NBPF15: variants seen among roughly 807,000 people sequenced by gnomAD.
The protein encoded by NBPF15 is NBPF family member NBPF15.
In NBPF15, 74 loss-of-function variants were observed where a neutral mutation model predicts 62.2. The ratio of observed to expected loss-of-function variants is 1.19; its 90% CI spans 0.99 to 1.44. The LOEUF (loss-of-function observed/expected upper bound fraction) is 1.44. Among genes scored for constraint, NBPF15 ranks in the 40% most tolerant of loss-of-function variants. NBPF15 has a pLI of 0.00. For missense variants in NBPF15, 790 were observed against 550.0 expected, an observed-to-expected ratio of 1.44 and a Z score of -4.36; for synonymous variants, 244 against 209.7, an observed-to-expected ratio of 1.16 and a Z score of -1.41.
In NBPF15 at chr1:144,422,880, A is replaced by G. The variant is rs1666667606; in HGVS notation, c.*133T>C. On this transcript the variant is annotated 3_prime_UTR_variant, in exon 22 of 22. Coordinates refer to ENST00000581897, the MANE Select transcript of NBPF15 (RefSeq NM_001385408.1). ...AGGTTGCCAATGGCATGGTTTGAGA[A>G]TAGGAATAGAGCCATGCTCACTGAC... The G allele has an allele frequency of 1.3e-6, 2 of 1,590,102 alleles. No homozygotes were observed. The highest frequency in any genetic ancestry group is 1.7e-6 in the Non-Finnish European group (2 of 1,169,838).
chr1:144,422,926 C>G lies in NBPF15; in HGVS notation c.*87G>C. On this transcript the variant is annotated 3_prime_UTR_variant, in exon 22 of 22. Transcript: ENST00000581897. ...CTGACCCATCCTATGTCTGGGCTTCCAAATGGAACTGTACTTTCATTCAAA... is the reference window on the plus strand; with the variant it reads ...CTGACCCATCCTATGTCTGGGCTTCGAAATGGAACTGTACTTTCATTCAAA... 1 of 1,611,048 alleles carries G rather than the reference C, an allele frequency of 6.2e-7. No homozygotes were observed. The highest frequency in any genetic ancestry group is 8.5e-7 in the Non-Finnish European group (1 of 1,179,390).
chr1:144,432,253 A>T (rs1674909791), intron 13 of NBPF15, among the ~76,000 whole-genome samples: 1 of 151,838 alleles, frequency 6.6e-6, no homozygotes, highest in Non-Finnish European at 1.5e-5. Flanking sequence ...CAGAGAAGCA[A>T]ATGCTGAGAG....
chr1:144,444,578 G>A (rs1685899317), intron 6 of NBPF15, among the ~76,000 whole-genome samples: 1 of 151,746 alleles, frequency 6.6e-6, no homozygotes, highest in Non-Finnish European at 1.5e-5. Flanking sequence ...GGTTCCAGAG[G>A]AAGGTCTTCA....
Position 144,425,563 on chromosome 1 carries a change from T to G in NBPF15, c.1444A>C (p.Lys482Gln), listed in dbSNP as rs2101630424. The change falls in exon 19 of 22, where the codon AAA becomes CAA. Residue 482 changes from lysine to glutamine, a missense_variant. Lys to Gln is a moderately conservative substitution (Grantham distance 53). Transcript: ENST00000581897. ...TCTTCTTCCTCTTCTTGGTCCTTTT[T>G]AATTCCTGCAATACATTCAGACAGG... ...LGLALDVDRI[K>Q]KDQEEEEDQG... 3.5e-6 allele frequency: 2 copies of G among 574,422 alleles called. No homozygotes were observed. The highest frequency in any genetic ancestry group is 6.3e-5 in the East Asian group (2 of 31,992). 35.6% of individuals were successfully genotyped at this position (574,422 alleles called of 1,614,324 possible).
rs1553539410 is a variant in NBPF15, at chr1:144,427,068, T to C, written c.1244A>G (p.Asp415Gly). The change falls in exon 17 of 22, where the codon GAC becomes GGC. Residue 415 changes from aspartate (D) to glycine (G), a missense_variant. Asp to Gly is a moderately conservative substitution (Grantham distance 94). Transcript: ENST00000581897. ...TTACCTGGGGCATGATGGGTCTTGG[T>C]CTTCTTCCACTTCTTGGTACTTTTC... ...EIEKYQEVEE[D>G]QDPSCPRLSR... 1.4e-6 allele frequency: 1 copy of C among 696,054 alleles called. No individual in the cohort carries two copies. The highest frequency in any genetic ancestry group is 2.5e-5 in the East Asian group (1 of 39,968). 43.1% of individuals were successfully genotyped at this position (696,054 alleles called of 1,614,324 possible). A position where few individuals can be genotyped will look rare whatever the true frequency, so the allele number is the denominator to read the frequency against.
chr1:144,459,678 A>T (rs1348126846), intron 2 of NBPF15, among the ~76,000 whole-genome samples, 195 bp from the exon 3 acceptor site: 9 of 151,910 alleles, frequency 5.9e-5, no homozygotes, highest in African/African-American at 2.2e-4. Flanking sequence ...GGATAAAAAG[A>T]TTTAACAGGC....
At chr1:144,426,980 T>A in intron 17 of NBPF15, 67 bp downstream of exon 17, 1 of 734,644 alleles carries the variant, frequency 1.4e-6, no homozygotes. Flanking sequence ...CACACTCTTG[T>A]TTTCCCTGGA....
intron 6 of NBPF15, among the ~76,000 whole-genome samples, chr1:144,445,354 TACACAC>T (rs57409765): frequency 0.013 from 1,349 of 104,398 alleles, 26 homozygotes; most frequent in East Asian, 0.039. Context: ...TATATATATA[TACACAC>T]ACACACACAC....
At chr1:144,424,271 C>G (rs1372854723) in intron 20 of NBPF15, among the ~76,000 whole-genome samples, 1 of 151,600 alleles carries the variant, frequency 6.6e-6, no homozygotes, top group Admixed American at 6.6e-5. Context: ...AGCAAATACC[C>G]TCAAATGATT....
intron 3 of NBPF15, among the ~76,000 whole-genome samples, chr1:144,458,804 T>C (rs201319204): frequency 1.5e-4 from 23 of 149,798 alleles, no homozygotes; most frequent in Non-Finnish European, 2.5e-4. Context: ...CTCTGGGAGG[T>C]TGAAGTGGGA....
chr1:144,438,320 T>C (rs1300657425), intron 8 of NBPF15, among the ~76,000 whole-genome samples: 3 of 151,034 alleles, frequency 2.0e-5, no homozygotes, highest in Non-Finnish European at 4.4e-5. Flanking sequence ...GAATTCACAG[T>C]CCCTGAGGTC....
chr1:144,445,853 C>CTTTTT (rs1229682742), intron 6 of NBPF15, among the ~76,000 whole-genome samples: 1 of 105,404 alleles, frequency 9.5e-6, no homozygotes, highest in Non-Finnish European at 2.0e-5. Context: ...GTTGACTTTC[C>CTTTTT]TTTTTTTTTT....
chr1:144,426,510 A>G, intron 17 of NBPF15, 60 bp from the exon 18 acceptor site: 5 of 782,454 alleles, frequency 6.4e-6, no homozygotes, highest in East Asian at 4.9e-5. Context: ...ACACAGCCCC[A>G]GCTAGATTTC....
intron 3 of NBPF15, among the ~76,000 whole-genome samples, chr1:144,458,238 C>T (rs1450874375): frequency 6.6e-6 from 1 of 151,760 alleles, no homozygotes; most frequent in Non-Finnish European, 1.5e-5. Flanking sequence ...TACCTAAGAA[C>T]AATGAAGTAT....
At chr1:144,449,835 G>A (rs9438135) in intron 5 of NBPF15, among the ~76,000 whole-genome samples, 2 of 151,688 alleles carry the variant, frequency 1.3e-5, no homozygotes, top group African/African-American at 2.4e-5. Context: ...CACATTAGGG[G>A]CAGATAAGCT....
Position 144,461,456 on chromosome 1 carries a change from C to T in NBPF15, c.-1013G>A, listed in dbSNP as rs1553548511. On this transcript the variant is annotated 5_prime_UTR_variant, in exon 1 of 22. Coordinates refer to ENST00000581897, the MANE Select transcript of NBPF15 (RefSeq NM_001385408.1). ...TTCGCTGTAAACCGTAACTTCCCATCCAGACGGCATCCGTGCGCCACGCCT... is the reference window on the plus strand; with the variant it reads ...TTCGCTGTAAACCGTAACTTCCCATTCAGACGGCATCCGTGCGCCACGCCT... The T allele has an allele frequency of 6.6e-6, 1 of 152,424 alleles. No individual in the cohort carries two copies. Among genetic ancestry groups the T allele is most frequent in the African/African-American group, 2.4e-5 (1 of 41,412 alleles). 9.4% of individuals were successfully genotyped at this position (152,424 alleles called of 1,614,324 possible).
rs781785316 is a variant in NBPF15 at position 144,423,113 on chromosome 1, T to A, written c.1913A>T (p.Glu638Val). The A allele has an allele frequency of 6.2e-7, 1 of 1,611,614 alleles. No individual in the cohort carries two copies. The highest frequency in any genetic ancestry group is 1.7e-5 in the Admixed American group (1 of 59,984). Reference protein sequence around the residue: ...YRSVFYSFEEEHISFALYVDN... With the variant: ...YRSVFYSFEEVHISFALYVDN... Reference sequence around the variant, plus strand: ...CACGTAAAGGGCGAAGCTGATATGCTCTTCCTCAAATGAGTAAAACACACT... The same window carrying A: ...CACGTAAAGGGCGAAGCTGATATGCACTTCCTCAAATGAGTAAAACACACT... Residue 638 changes from glutamate to valine, a missense_variant, in exon 22 of 22, where the codon GAG (glutamate) becomes GTG (valine). Transcript: ENST00000581897.
chr1:144,428,232 G>A (rs1353373447), intron 15 of NBPF15, among the ~76,000 whole-genome samples: 1 of 151,286 alleles, frequency 6.6e-6, no homozygotes, highest in East Asian at 1.9e-4. Flanking sequence ...TCAGTGAATT[G>A]GTCAGGTGAC....
At chr1:144,451,850 T>C (rs1553545603) in intron 4 of NBPF15, among the ~76,000 whole-genome samples, 1 of 151,452 alleles carries the variant, frequency 6.6e-6, no homozygotes, top group Non-Finnish European at 1.5e-5. Context: ...ATCTGATATC[T>C]CTTTCTTTTC....
Sources: gnomAD v4.1 joint callset for allele counts (sites outside exome capture counted in the v4.1 genomes callset) on GRCh38, gnomAD v4.1.1 for gene constraint, MANE v1.5 for transcripts, NCBI Gene and HGNC (gene_info 2026-07-23, HGNC 2026-07-21) for gene names.